PEX14: variants seen among roughly 807,000 people sequenced by gnomAD.
The protein encoded by PEX14 is peroxisomal biogenesis factor 14.
In PEX14, 15 loss-of-function variants were observed where a neutral mutation model predicts 49.5. The ratio of observed to expected loss-of-function variants is 0.30; its 90% confidence interval spans 0.20 to 0.47. The LOEUF (loss-of-function observed/expected upper bound fraction) is 0.47, where lower values mean the gene tolerates loss of function less well. Ranked by LOEUF, PEX14 falls within the 20% of genes least tolerant of loss-of-function variation. PEX14 has a pLI of 1.00. For synonymous variants in PEX14, 210 were observed against 212.7 expected (o/e 0.99, Z 0.11); for missense variants, 398 against 494.8 (o/e 0.80, Z 1.86).
intron 2 of PEX14, among the ~76,000 whole-genome samples, chr1:10,498,373 C>T (rs182676917): frequency 6.6e-5 from 10 of 152,240 alleles, no homozygotes; most frequent in Admixed American, 4.6e-4. Flanking sequence ...GTAGTCAGTG[C>T]GGTGCAGGTG....
intron 4 of PEX14, among the ~76,000 whole-genome samples, chr1:10,615,544 G>A (rs1003893934): frequency 2.6e-5 from 4 of 152,226 alleles, no homozygotes; most frequent in African/African-American, 9.6e-5. Flanking sequence ...CAGGCATTGC[G>A]CAGCGGCTCA....
chr1:10,533,870 T>A lies in PEX14; in HGVS notation c.85-2343T>A, dbSNP rs181653485. Among the ~76,000 whole-genome samples, 65 of 152,234 alleles carry A rather than the reference T, an allele frequency of 4.3e-4. No individual in the cohort carries two copies. In the Middle Eastern group the frequency reaches 0.017, roughly 40 times the overall value. Reference sequence around the variant, plus strand: ...TAAAGAAATAAGAGATGCATTTTTTTAAAAAAAATTGATGGAATGCGCCAA... The same window carrying A: ...TAAAGAAATAAGAGATGCATTTTTTAAAAAAAAATTGATGGAATGCGCCAA... On this transcript the variant is annotated intron_variant, in intron 2 of 8. Coordinates refer to ENST00000356607, the MANE Select transcript of PEX14 (RefSeq NM_004565.3).
At chr1:10,517,337 G>A (rs1372010049) in intron 2 of PEX14, among the ~76,000 whole-genome samples, 1 of 152,222 alleles carries the variant, frequency 6.6e-6, no homozygotes, top group Non-Finnish European at 1.5e-5. Context: ...TGGGGGCAGA[G>A]TGCTGGCTGC....
intron 3 of PEX14, among the ~76,000 whole-genome samples, chr1:10,553,135 T>G (rs1323756369): frequency 6.6e-6 from 1 of 152,068 alleles, no homozygotes; most frequent in African/African-American, 2.4e-5. Context: ...GGGCGGGCAT[T>G]TAGGAGAGGG....
At chr1:10,496,792 G>C (rs1641573955) in intron 2 of PEX14, among the ~76,000 whole-genome samples, 1 of 151,452 alleles carries the variant, frequency 6.6e-6, no homozygotes, top group Non-Finnish European at 1.5e-5. Flanking sequence ...TTCTTTTCTG[G>C]GAGGCCCTGA....
At chr1:10,618,291 C>A in intron 4 of PEX14, 41 bp from the exon 5 acceptor site, 1 of 1,529,650 alleles carries the variant, frequency 6.5e-7, no homozygotes, top group Non-Finnish European at 9.1e-7. Flanking sequence ...AAGAAGGACG[C>A]CATGTGCGTC....
chr1:10,483,693 A>G (rs1641321245), intron 1 of PEX14, among the ~76,000 whole-genome samples: 1 of 151,716 alleles, frequency 6.6e-6, no homozygotes. Context: ...TTACTGTGGA[A>G]TTCTAATAGG....
chr1:10,476,738 G>A (rs572378493), intron 1 of PEX14, among the ~76,000 whole-genome samples: 3 of 152,064 alleles, frequency 2.0e-5, no homozygotes, highest in Non-Finnish European at 4.4e-5. Context: ...TGATCTGCCC[G>A]CCTCAGCCTC....
intron 3 of PEX14, among the ~76,000 whole-genome samples, chr1:10,565,632 C>A (rs182642977): frequency 6.6e-6 from 1 of 152,236 alleles, no homozygotes; most frequent in Admixed American, 6.5e-5. Flanking sequence ...GTATTTTACC[C>A]TTTCTTAGGA....
At chr1:10,540,042 C>T (rs773203546) in intron 3 of PEX14, among the ~76,000 whole-genome samples, 1 of 152,178 alleles carries the variant, frequency 6.6e-6, no homozygotes, top group Non-Finnish European at 1.5e-5. Flanking sequence ...TTTCCTGCCT[C>T]ATCCAAGAAA....
In PEX14 at chr1:10,588,047, AC is replaced by A. The variant is rs796176113; in HGVS notation, c.170-11187del. ...AGACCAGCCTGGCCAAGATAGTGAA[AC>A]CCCATCTCTACTAAAAATACGAAAA... On this transcript the variant is annotated intron_variant, in intron 3 of 8. Coordinates refer to ENST00000356607, the MANE Select transcript of PEX14 (RefSeq NM_004565.3). Among the ~76,000 whole-genome samples, 4 of 151,386 alleles carry A rather than the reference AC, an allele frequency of 2.6e-5. No individual in the cohort carries two copies. In the South Asian group the frequency reaches 8.4e-4, roughly 32 times the overall value.
intron 3 of PEX14, among the ~76,000 whole-genome samples, chr1:10,576,759 CT>C (rs374589674): frequency 0.015 from 2,066 of 139,510 alleles, 34 homozygotes; most frequent in African/African-American, 0.046. Context: ...AATTGCTGTA[CT>C]TTTTTTTTTT....
At chr1:10,546,652 G>T (rs1185701754) in intron 3 of PEX14, among the ~76,000 whole-genome samples, 1 of 150,422 alleles carries the variant, frequency 6.6e-6, no homozygotes, top group Non-Finnish European at 1.5e-5. Flanking sequence ...AGATCACAAG[G>T]TCAGGAGATT....
At chr1:10,619,089 A>G (rs1373854301) in intron 5 of PEX14, among the ~76,000 whole-genome samples, 1 of 152,170 alleles carries the variant, frequency 6.6e-6, no homozygotes, top group African/African-American at 2.4e-5. Flanking sequence ...AGGATTTCCC[A>G]GGCTTCTCAA....
intron 2 of PEX14, among the ~76,000 whole-genome samples, chr1:10,520,978 C>CTTTT (rs34115584): frequency 7.8e-5 from 11 of 141,014 alleles, no homozygotes; most frequent in Admixed American, 7.0e-4. Context: ...TTGCCGTTGT[C>CTTTT]TTTTTTTTTT....
chr1:10,567,442 G>A (rs1217618068), intron 3 of PEX14, among the ~76,000 whole-genome samples: 2 of 151,926 alleles, frequency 1.3e-5, no homozygotes, highest in Non-Finnish European at 2.9e-5. Context: ...GAATTTTCTT[G>A]GCTATTCTTA....
intron 2 of PEX14, among the ~76,000 whole-genome samples, chr1:10,496,415 G>A (rs1641561773): frequency 6.6e-6 from 1 of 152,140 alleles, no homozygotes; most frequent in South Asian, 2.1e-4. Flanking sequence ...AAGCCCAGGA[G>A]GCCCCACCTT....
At chr1:10,564,331 A>G (rs983620662) in intron 3 of PEX14, among the ~76,000 whole-genome samples, 2 of 151,630 alleles carry the variant, frequency 1.3e-5, no homozygotes. Context: ...CTTTCAGTTT[A>G]CTAACCCTTT....
chr1:10,579,314 GA>G, intron 3 of PEX14, among the ~76,000 whole-genome samples: 1 of 151,766 alleles, frequency 6.6e-6, no homozygotes, highest in East Asian at 1.9e-4. Flanking sequence ...AAACATGAAG[GA>G]AAAAAATAAA....
Sources: allele counts gnomAD v4.1 joint callset (sites outside exome capture counted in the v4.1 genomes callset), GRCh38; gene constraint gnomAD v4.1.1; transcripts MANE v1.5; gene names NCBI Gene and HGNC (gene_info 2026-07-23, HGNC 2026-07-21).